The following METTL25 variants were observed in gnomAD, a reference collection of about 807,000 sequenced individuals.
METTL25 encodes probable methyltransferase-like protein 25.
A neutral mutation model predicts 71.6 loss-of-function variants in METTL25; 64 were observed. That is an observed-to-expected ratio of 0.89 (90% CI 0.73 to 1.10). METTL25 has a LOEUF of 1.10. Ranked by LOEUF, METTL25 falls within the 50% of genes least tolerant of loss-of-function variation. The pLI is 0.00. For missense variants in METTL25, 807 were observed against 707.0 expected, an observed-to-expected ratio of 1.14 and a Z score of -1.60; for synonymous variants, 287 against 250.3, an observed-to-expected ratio of 1.15 and a Z score of -1.38.
At position 82,418,493 on chromosome 12, in the gene METTL25, T is replaced by C. The variant is rs539989044; in HGVS notation, c.1280-12400T>C. ...TTTGAAATACCCACTTTAAAAAATG[T>C]GTGACACTAATAATCTCCACCTGAG... On this transcript the variant is annotated intron_variant, in intron 5 of 11. Coordinates refer to ENST00000248306, the MANE Select transcript of METTL25 (RefSeq NM_032230.3). 2.6e-4 allele frequency among the ~76,000 whole-genome samples: 40 copies of C among 152,278 alleles called. No homozygotes were observed. The South Asian group carries it at 3.9e-3, about 15-fold the overall frequency.
intron 1 of METTL25, among the ~76,000 whole-genome samples, chr12:82,371,282 C>T (rs1194269696): frequency 1.3e-5 from 2 of 152,150 alleles, no homozygotes; most frequent in Non-Finnish European, 2.9e-5. Flanking sequence ...CTGGTGCCTG[C>T]CCCAGGCACC....
intron 8 of METTL25, among the ~76,000 whole-genome samples, chr12:82,450,659 C>A (rs1891075072): frequency 6.6e-6 from 1 of 152,168 alleles, no homozygotes; most frequent in South Asian, 2.1e-4. Flanking sequence ...AGCCTTATGT[C>A]ATCTGGCTCC....
At chr12:82,392,277 C>T in intron 3 of METTL25, among the ~76,000 whole-genome samples, 1 of 146,250 alleles carries the variant, frequency 6.8e-6, no homozygotes, top group Admixed American at 6.9e-5. Flanking sequence ...CACAACAGTC[C>T]CCAGAGTGTG....
intron 7 of METTL25, among the ~76,000 whole-genome samples, chr12:82,436,511 A>T (rs1392218248): frequency 1.3e-5 from 2 of 151,554 alleles, no homozygotes. Context: ...CGACTTAGTT[A>T]TTCCAGTAAT....
chr12:82,438,527 T>C (rs1011372578), intron 7 of METTL25, 191 bp from the exon 8 acceptor site: 8 of 320,574 alleles, frequency 2.5e-5, no homozygotes, highest in Admixed American at 9.8e-5. Context: ...TTTTTTTTTT[T>C]CAGAATTACT....
chr12:82,472,468 G>A (rs970317428), intron 9 of METTL25, among the ~76,000 whole-genome samples: 1 of 152,002 alleles, frequency 6.6e-6, no homozygotes, highest in Admixed American at 6.6e-5. Flanking sequence ...CGTGGTGGCG[G>A]GTGCCTGTAG....
rs543854221 is a variant in METTL25, at chr12:82,440,868, G to T, written c.1478+2077G>T. Among the ~76,000 whole-genome samples the T allele has an allele frequency of 3.3e-5, 5 of 152,082 alleles. No homozygotes were observed. The South Asian group carries it at 8.3e-4, about 25-fold the overall frequency. On this transcript the variant is annotated intron_variant, in intron 8 of 11. Coordinates refer to ENST00000248306, the MANE Select transcript of METTL25 (RefSeq NM_032230.3). ...CCTATTGAAGTAGGTAAGAATTATGGGACAAAAATCAAAGAGGAAATGGGA... is the reference window on the plus strand; with the variant it reads ...CCTATTGAAGTAGGTAAGAATTATGTGACAAAAATCAAAGAGGAAATGGGA...
chr12:82,461,331 A>G (rs1415311171), intron 9 of METTL25, among the ~76,000 whole-genome samples: 1 of 152,208 alleles, frequency 6.6e-6, no homozygotes, highest in Non-Finnish European at 1.5e-5. Flanking sequence ...GCACTGTGCT[A>G]AAAGCTTTGT....
intron 5 of METTL25, among the ~76,000 whole-genome samples, chr12:82,427,493 T>G (rs531497984): frequency 3.3e-5 from 5 of 152,094 alleles, no homozygotes; most frequent in African/African-American, 1.2e-4. Context: ...TTAAGTAGTA[T>G]TTTTTCTAGT....
intron 8 of METTL25, among the ~76,000 whole-genome samples, chr12:82,446,472 T>G: frequency 6.8e-6 from 1 of 146,950 alleles, no homozygotes; most frequent in South Asian, 2.3e-4. Flanking sequence ...CAAGTATCAT[T>G]TCTGACTACA....
chr12:82,477,310 G>T lies in METTL25; in HGVS notation c.1677G>T (p.Glu559Asp). 6.3e-7 allele frequency: 1 copy of T among 1,575,606 alleles called. No homozygotes were observed. Among genetic ancestry groups the T allele is most frequent in the South Asian group, 1.2e-5 (1 of 83,848 alleles). Residue 559 changes from glutamate to aspartate, a missense_variant, in exon 11 of 12, where the codon GAG becomes GAT. By Grantham distance (45) the Glu-to-Asp change is conservative (BLOSUM62 2). Coordinates refer to ENST00000248306, the MANE Select transcript of METTL25 (RefSeq NM_032230.3). ...MLKVVLAPCI[E>D]TLILLDRLCY... ...AAGTTGTACTGGCTCCCTGTATAGAGACTTTGATTCTTCTGGATCGACTTT... is the reference window on the plus strand; with the variant it reads ...AAGTTGTACTGGCTCCCTGTATAGATACTTTGATTCTTCTGGATCGACTTT...
intron 2 of METTL25, chr12:82,389,015 A>G (rs1360932959): frequency 3.9e-5 from 6 of 152,120 alleles, no homozygotes; most frequent in Non-Finnish European, 1.5e-5. Flanking sequence ...ATTCACAGAT[A>G]TGAACACTGT....
intron 8 of METTL25, among the ~76,000 whole-genome samples, chr12:82,439,264 A>G (rs1233359975): frequency 1.3e-5 from 2 of 151,654 alleles, no homozygotes; most frequent in African/African-American, 4.8e-5. Context: ...CTAGCACTAC[A>G]TATGTTTTGT....
intron 9 of METTL25, among the ~76,000 whole-genome samples, chr12:82,464,982 TTAG>T (rs1892133824): frequency 6.6e-6 from 1 of 151,970 alleles, no homozygotes; most frequent in Non-Finnish European, 1.5e-5. Flanking sequence ...AATATGTTTA[TTAG>T]TTCTAAGACT....
chr12:82,384,237 T>C (rs1884733473), intron 1 of METTL25, among the ~76,000 whole-genome samples: 1 of 152,190 alleles, frequency 6.6e-6, no homozygotes, highest in African/African-American at 2.4e-5. Context: ...AATTTCTGTT[T>C]TGCTGGTTGC....
intron 1 of METTL25, among the ~76,000 whole-genome samples, chr12:82,379,056 TAAAC>T (rs1884170492): frequency 6.6e-6 from 1 of 152,080 alleles, no homozygotes; most frequent in African/African-American, 2.4e-5. Context: ...GCAACAATAA[TAAAC>T]AAATTGACAA....
At chr12:82,478,882 T>G in intron 11 of METTL25, 50 bp from the exon 12 acceptor site, 1 of 1,464,268 alleles carries the variant, frequency 6.8e-7, no homozygotes, top group Non-Finnish European at 9.5e-7. Flanking sequence ...CGCGTCTAAT[T>G]TTTTTCTTCA....
At chr12:82,420,479 A>G (rs1888379057) in intron 5 of METTL25, among the ~76,000 whole-genome samples, 2 of 152,104 alleles carry the variant, frequency 1.3e-5, no homozygotes, top group South Asian at 4.1e-4. Context: ...GAAGTTGTAT[A>G]CATTACATAT....
intron 5 of METTL25, among the ~76,000 whole-genome samples, chr12:82,412,830 C>T (rs1887655469): frequency 6.6e-6 from 1 of 151,954 alleles, no homozygotes; most frequent in Non-Finnish European, 1.5e-5. Flanking sequence ...AGTGGAATCT[C>T]ACAGGGATTT....
Sources: allele counts gnomAD v4.1 joint callset (sites outside exome capture counted in the v4.1 genomes callset), GRCh38; gene constraint gnomAD v4.1.1; transcripts MANE v1.5; gene names NCBI Gene and HGNC (gene_info 2026-07-23, HGNC 2026-07-21).